Variants in CFAP20DC observed in about 807,000 individuals in gnomAD.
The protein encoded by CFAP20DC is CFAP20 domain containing.
Under a neutral mutation model 101.7 loss-of-function variants are expected in CFAP20DC, and 84 were observed. That is an observed-to-expected ratio of 0.83 (90% CI 0.69 to 0.99). The LOEUF (loss-of-function observed/expected upper bound fraction) is 0.99. Among genes scored for constraint, CFAP20DC ranks in the 50% least tolerant of loss-of-function variants. The pLI, the probability that CFAP20DC is intolerant of heterozygous loss-of-function variation, is 0.00. For missense variants in CFAP20DC, 1,007 were observed against 970.3 expected, an observed-to-expected ratio of 1.04 and a Z score of -0.50; for synonymous variants, 359 against 351.2, an observed-to-expected ratio of 1.02 and a Z score of -0.25.
At chr3:58,972,841 C>T (rs1399175328) in intron 4 of CFAP20DC, among the ~76,000 whole-genome samples, 1 of 152,148 alleles carries the variant, frequency 6.6e-6, no homozygotes, top group Admixed American at 6.6e-5. Context: ...CTAGAAGGCA[C>T]AGTCTATTAG....
chr3:58,804,276 G>A (rs1299822167), intron 15 of CFAP20DC, among the ~76,000 whole-genome samples: 1 of 151,920 alleles, frequency 6.6e-6, no homozygotes, highest in Admixed American at 6.6e-5. Flanking sequence ...TGAGAATTAG[G>A]TCCCCTTTCT....
chr3:58,799,593 TTA>T lies in CFAP20DC; in HGVS notation c.2237+6800_2237+6801del, dbSNP rs1412927324. Among the ~76,000 whole-genome samples, 1 of 152,128 alleles carries T rather than the reference TTA, an allele frequency of 6.6e-6. No individual in the cohort carries two copies. Among genetic ancestry groups the T allele is most frequent in the African/African-American group, 2.4e-5 (1 of 41,412 alleles). On this transcript the variant is annotated intron_variant, in intron 15 of 16. Transcript: ENST00000482387. The surrounding 1 kb of genome is among the most constrained non-coding windows in gnomAD (Gnocchi z 4.9). ...TATGTGTCTCTTATGTGCCTATTTTTTATGTGTCTCCTATGTGCTTGGCAAGT... is the reference window on the plus strand; with the variant it reads ...TATGTGTCTCTTATGTGCCTATTTTTTGTGTCTCCTATGTGCTTGGCAAGT...
rs1175492731 is a variant in CFAP20DC at position 59,014,800 on chromosome 3, A to C, written c.278+24757T>G. 6.6e-6 allele frequency among the ~76,000 whole-genome samples: 1 copy of C among 152,052 alleles called. No individual in the cohort carries two copies. The highest frequency in any genetic ancestry group is 6.6e-5 in the Admixed American group (1 of 15,258). ...AAGGCAGTAGTACTACATATGGACC[A>C]TGGCTATATGTAGTACTACTCCTTA... On this transcript the variant is annotated intron_variant, in intron 4 of 16. Transcript: ENST00000482387. This position sits in a 1 kb window ranked among gnomAD's most constrained non-coding sequence, Gnocchi z 4.9.
Position 58,937,721 on chromosome 3 carries a change from G to A in CFAP20DC, c.320C>T (p.Ser107Leu), listed in dbSNP as rs770207975. The change falls in exon 5 of 17, where the codon TCA becomes TTA. Residue 107 changes from serine (S) to leucine (L), a missense_variant. Transcript: ENST00000482387. ...GGAGGATAGTTCCTTATGGACCGTT[G>A]ATAAATATAATCTTCTTTTGATGTT... ...LGNIKRRLYL[S>L]TVHKELSSTP... 6.2e-7 allele frequency: 1 copy of A among 1,611,554 alleles called. No homozygotes were observed. The highest frequency in any genetic ancestry group is 2.2e-5 in the East Asian group (1 of 44,808).
Position 58,764,943 on chromosome 3 carries a change from G to A in CFAP20DC, c.2238-11080C>T, listed in dbSNP as rs1199087632. 2.6e-5 allele frequency among the ~76,000 whole-genome samples: 4 copies of A among 152,144 alleles called. No homozygotes were observed. In the East Asian group the frequency reaches 7.7e-4, roughly 29 times the overall value. ...ATTCAAGAGTCGAGACCATGGATTT[G>A]TATTAAATACACAAGTAAAAATATT... is the stretch of plus-strand genomic sequence containing the variant. On this transcript the variant is annotated intron_variant, in intron 15 of 16. Transcript: ENST00000482387.
chr3:59,000,317 G>A (rs1364852381), intron 4 of CFAP20DC, among the ~76,000 whole-genome samples: 1 of 152,158 alleles, frequency 6.6e-6, no homozygotes, highest in Non-Finnish European at 1.5e-5. Flanking sequence ...AGTGGGTATG[G>A]ATAAAGCTTA....
chr3:58,769,057 G>A lies in CFAP20DC; in HGVS notation c.2238-15194C>T, dbSNP rs560455196. On this transcript the variant is annotated intron_variant, in intron 15 of 16. Coordinates refer to ENST00000482387, the MANE Select transcript of CFAP20DC (RefSeq NM_001394063.1). ...CTGCTGCCACCCTTAGACCTTAAGG[G>A]AAAAGGAAGGGGCAGTGGCCAGACC... Among the ~76,000 whole-genome samples, 3 of 152,344 alleles carry A rather than the reference G, an allele frequency of 2.0e-5. No homozygotes were observed. The East Asian group carries it at 5.8e-4, about 29-fold the overall frequency.
rs1400212653 is a variant in CFAP20DC at position 58,928,055 on chromosome 3, A to AT, written c.393+9592dup. 8.6e-5 allele frequency among the ~76,000 whole-genome samples: 13 copies of AT among 151,982 alleles called. No homozygotes were observed. In the East Asian group the frequency reaches 2.1e-3, roughly 25 times the overall value. On this transcript the variant is annotated intron_variant, in intron 5 of 16. Transcript: ENST00000482387. ...TATATAATTTGACCATGATAAACTC[A>AT]TTTTTTTTCTCCCATGTCAGGAGAT...
At chr3:58,772,832 T>C (rs1046976678) in intron 15 of CFAP20DC, among the ~76,000 whole-genome samples, 1 of 152,198 alleles carries the variant, frequency 6.6e-6, no homozygotes, top group Non-Finnish European at 1.5e-5. Flanking sequence ...TTATCCTTTT[T>C]ATATAGAAAA....
At chr3:58,744,631 A>T (rs2068070358) in intron 16 of CFAP20DC, among the ~76,000 whole-genome samples, 1 of 152,124 alleles carries the variant, frequency 6.6e-6, no homozygotes, top group Admixed American at 6.5e-5. Context: ...GAAAAGAGAA[A>T]GCTTGATGAG....
chr3:58,792,128 T>C (rs1027244758), intron 15 of CFAP20DC, among the ~76,000 whole-genome samples: 3 of 152,192 alleles, frequency 2.0e-5, no homozygotes, highest in African/African-American at 7.2e-5. Flanking sequence ...CTATTCTCAT[T>C]GTTTATTTAC....
intron 5 of CFAP20DC, among the ~76,000 whole-genome samples, chr3:58,928,490 C>G (rs1477045898): frequency 6.6e-6 from 1 of 152,136 alleles, no homozygotes; most frequent in Non-Finnish European, 1.5e-5. Context: ...CTTCAGGTAA[C>G]TGCATTTTAT....
At chr3:58,762,622 C>A (rs1265317889) in intron 15 of CFAP20DC, among the ~76,000 whole-genome samples, 4 of 152,354 alleles carry the variant, frequency 2.6e-5, no homozygotes, top group South Asian at 4.1e-4. Flanking sequence ...GATGCAGTTT[C>A]TTCCTAGCCT....
chr3:58,862,948 A>T, intron 12 of CFAP20DC: 1 of 972,896 alleles, frequency 1.0e-6, no homozygotes, highest in African/African-American at 1.8e-5. Context: ...GAAACATTTT[A>T]AAACTTTTTA....
At chr3:58,746,757 C>T (rs1171912372) in intron 16 of CFAP20DC, among the ~76,000 whole-genome samples, 1 of 152,078 alleles carries the variant, frequency 6.6e-6, no homozygotes, top group Admixed American at 6.6e-5. Flanking sequence ...CCAACAATGA[C>T]ATTCATACAA....
intron 6 of CFAP20DC, among the ~76,000 whole-genome samples, chr3:58,890,458 C>T (rs2082097625): frequency 6.9e-6 from 1 of 145,546 alleles, no homozygotes; most frequent in Non-Finnish European, 1.5e-5. Context: ...CACGTCCCTC[C>T]CGGACGGGGC....
intron 7 of CFAP20DC, among the ~76,000 whole-genome samples, chr3:58,873,285 C>A (rs1190042836): frequency 6.7e-6 from 1 of 149,838 alleles, no homozygotes; most frequent in African/African-American, 2.5e-5. Context: ...AAGCAGAAGT[C>A]TGGATAGCTG....
intron 13 of CFAP20DC, among the ~76,000 whole-genome samples, chr3:58,847,658 C>T (rs1385325125): frequency 6.6e-6 from 1 of 150,988 alleles, no homozygotes; most frequent in African/African-American, 2.4e-5. Context: ...CCAGCCATCC[C>T]ATTACTGGGT....
rs554460622 is a variant in CFAP20DC at position 58,987,806 on chromosome 3, T to C, written c.279-50044A>G. Among the ~76,000 whole-genome samples the C allele has an allele frequency of 7.9e-5, 12 of 151,972 alleles. No individual in the cohort carries two copies. In the South Asian group the frequency reaches 1.9e-3, roughly 24 times the overall value. On this transcript the variant is annotated intron_variant, in intron 4 of 16. Coordinates refer to ENST00000482387, the MANE Select transcript of CFAP20DC (RefSeq NM_001394063.1). Reference sequence around the variant, plus strand: ...AAAATAGAAAACTTAAAAATACCTATAACCATTAAAGAAATGGTATTGGTG... The same window carrying C: ...AAAATAGAAAACTTAAAAATACCTACAACCATTAAAGAAATGGTATTGGTG...
Sources: allele counts gnomAD v4.1 joint callset (sites outside exome capture counted in the v4.1 genomes callset), GRCh38; gene constraint gnomAD v4.1.1; non-coding constraint Gnocchi (gnomAD v3.1); transcripts MANE v1.5; gene names NCBI Gene and HGNC (gene_info 2026-07-23, HGNC 2026-07-21).